JAKMIP2: variants seen among roughly 807,000 people sequenced by gnomAD.
JAKMIP2 encodes janus kinase and microtubule interacting protein 2, also known as janus kinase and microtubule-interacting protein 2.
JAKMIP2 carries 25 observed loss-of-function variants against 115.0 expected under a neutral mutation model. The ratio of observed to expected loss-of-function variants is 0.22; its 90% confidence interval spans 0.16 to 0.30. The LOEUF is 0.30. Ranked by LOEUF, JAKMIP2 falls within the 10% of genes least tolerant of loss-of-function variation. The pLI is 1.00. For missense variants in JAKMIP2, 642 were observed against 957.6 expected (o/e 0.67, Z 4.35); for synonymous variants, 334 against 343.6 (o/e 0.97, Z 0.31).
chr5:147,766,975 G>A (rs549519922), intron 1 of JAKMIP2, among the ~76,000 whole-genome samples: 1 of 152,242 alleles, frequency 6.6e-6, no homozygotes, highest in African/African-American at 2.4e-5. Flanking sequence ...ACCTCTCAAT[G>A]AGATCGGCCA....
chr5:147,686,654 G>C (rs1490582456), intron 1 of JAKMIP2, among the ~76,000 whole-genome samples: 1 of 152,048 alleles, frequency 6.6e-6, no homozygotes, highest in African/African-American at 2.4e-5. Flanking sequence ...CCTTAAACCC[G>C]CAAAATTTTA....
intron 12 of JAKMIP2, among the ~76,000 whole-genome samples, chr5:147,634,964 A>G (rs1757541755): frequency 6.6e-6 from 1 of 152,204 alleles, no homozygotes; most frequent in Non-Finnish European, 1.5e-5. Context: ...TGTTTCCCTT[A>G]CACAATTGGG....
intron 1 of JAKMIP2, among the ~76,000 whole-genome samples, chr5:147,761,412 A>T (rs1754924805): frequency 6.6e-6 from 1 of 152,110 alleles, no homozygotes. Flanking sequence ...AGTCTGGGGC[A>T]CAGAGAGGTT....
Position 147,587,210 on chromosome 5 carries a change from A to G in JAKMIP2, c.*4497T>C, listed in dbSNP as rs542596841. 6.6e-6 allele frequency: 1 copy of G among 152,316 alleles called. No individual in the cohort carries two copies. Among genetic ancestry groups the G allele is most frequent in the East Asian group, 1.9e-4 (1 of 5,182 alleles). 9.4% of individuals were successfully genotyped at this position (152,316 alleles called of 1,614,324 possible). A position where few individuals can be genotyped will look rare whatever the true frequency, so the allele number is the denominator to read the frequency against. On this transcript the variant is annotated 3_prime_UTR_variant, in exon 22 of 22. Transcript: ENST00000616793. ...ATTGGAAGCATAAACTCATGACATA[A>G]ACAGTCATCTAAGATTTGCTTTGAA...
chr5:147,733,243 C>T (rs922274042), intron 1 of JAKMIP2, among the ~76,000 whole-genome samples: 5 of 152,274 alleles, frequency 3.3e-5, no homozygotes, highest in Middle Eastern at 3.4e-3. Flanking sequence ...GAGAGCAACT[C>T]AGATACAAAA....
chr5:147,706,016 T>C (rs1752546550), intron 1 of JAKMIP2, among the ~76,000 whole-genome samples: 1 of 152,200 alleles, frequency 6.6e-6, no homozygotes, highest in Admixed American at 6.5e-5. Context: ...ATGTTATAGG[T>C]ATACTTGAAC....
intron 1 of JAKMIP2, among the ~76,000 whole-genome samples, chr5:147,682,291 T>C (rs1043840764): frequency 6.6e-6 from 1 of 152,274 alleles, no homozygotes; most frequent in Non-Finnish European, 1.5e-5. Flanking sequence ...CAGTGGCAGA[T>C]GGTAGAGGGT....
chr5:147,703,582 C>T (rs906135697), intron 1 of JAKMIP2, among the ~76,000 whole-genome samples: 21 of 147,988 alleles, frequency 1.4e-4, no homozygotes, highest in African/African-American at 4.2e-4. Context: ...TTAACCTTAG[C>T]GTACTGTAAC....
intron 1 of JAKMIP2, among the ~76,000 whole-genome samples, chr5:147,724,304 A>G (rs1249399080): frequency 2.0e-5 from 3 of 152,278 alleles, no homozygotes; most frequent in Admixed American, 2.0e-4. Flanking sequence ...CATTCCAAAC[A>G]TACATTTTCT....
intron 3 of JAKMIP2, among the ~76,000 whole-genome samples, chr5:147,653,318 T>G (rs1758503189): frequency 6.6e-6 from 1 of 152,168 alleles, no homozygotes; most frequent in Non-Finnish European, 1.5e-5. Flanking sequence ...CAATCTACAT[T>G]CCCACCAACA....
At chr5:147,679,189 C>A (rs1321523098) in intron 1 of JAKMIP2, among the ~76,000 whole-genome samples, 5 of 151,984 alleles carry the variant, frequency 3.3e-5, no homozygotes, top group African/African-American at 1.2e-4. Flanking sequence ...GTATGTTGTC[C>A]AGGCTGGTTT....
chr5:147,736,547 A>G (rs910176435), intron 1 of JAKMIP2, among the ~76,000 whole-genome samples: 5 of 152,152 alleles, frequency 3.3e-5, no homozygotes, highest in African/African-American at 1.2e-4. Flanking sequence ...TATCACTTAA[A>G]GAACATTATC....
chr5:147,651,786 C>T (rs1268643782), intron 3 of JAKMIP2, among the ~76,000 whole-genome samples: 2 of 152,136 alleles, frequency 1.3e-5, no homozygotes, highest in Non-Finnish European at 2.9e-5. Flanking sequence ...CATCTGATAA[C>T]TTGGTAAGAA....
chr5:147,619,716 A>C (rs1756758247), intron 18 of JAKMIP2, among the ~76,000 whole-genome samples: 1 of 152,090 alleles, frequency 6.6e-6, no homozygotes. Context: ...AATCAGCATA[A>C]TCTTCTGTGG....
intron 19 of JAKMIP2, among the ~76,000 whole-genome samples, chr5:147,616,777 T>C (rs1291930429): frequency 2.0e-5 from 3 of 152,326 alleles, no homozygotes; most frequent in South Asian, 4.1e-4. Context: ...TTATCATTTC[T>C]GGGACACGTG....
intron 1 of JAKMIP2, among the ~76,000 whole-genome samples, chr5:147,766,665 A>C (rs1021973545): frequency 1.3e-5 from 2 of 152,184 alleles, no homozygotes; most frequent in Non-Finnish European, 2.9e-5. Context: ...ACAGCAGTAC[A>C]TGCCCTGAGA....
intron 1 of JAKMIP2, among the ~76,000 whole-genome samples, chr5:147,734,905 A>G (rs1429488424): frequency 3.9e-5 from 6 of 152,156 alleles, no homozygotes; most frequent in Non-Finnish European, 8.8e-5. Context: ...CCTCTGTGTA[A>G]AGTGGACAGA....
In JAKMIP2 at chr5:147,661,255, C is replaced by T. The variant is rs772282484; in HGVS notation, c.320G>A (p.Arg107His). Reference protein sequence around the residue: ...EQEMSRTVKVRDGEIQRLKSA... With the variant: ...EQEMSRTVKVHDGEIQRLKSA... ...CTTGAGCCTCTGGATCTCTCCATCA[C>T]GTACCTTCACCGTCCTTGACATTTC... The change falls in exon 3 of 22, where the codon CGT (arginine) becomes CAT (histidine). Residue 107 changes from arginine (R) to histidine (H), a missense_variant. Arg to His is a conservative substitution (Grantham distance 29, BLOSUM62 0). This residue lies in a region of JAKMIP2 where 439 missense variants were observed against 570.9 expected (regional missense o/e 0.77). Coordinates refer to ENST00000616793, the MANE Select transcript of JAKMIP2 (RefSeq NM_001270941.2). 3.7e-6 allele frequency: 6 copies of T among 1,613,964 alleles called. No homozygotes were observed. The Admixed American group carries it at 8.3e-5, about 22-fold the overall frequency.
intron 1 of JAKMIP2, among the ~76,000 whole-genome samples, chr5:147,762,717 T>C (rs530259583): frequency 2.0e-5 from 3 of 152,306 alleles, no homozygotes; most frequent in African/African-American, 7.2e-5. Flanking sequence ...GGCTTCAACA[T>C]ATGAATTTGG....
Sources: allele counts gnomAD v4.1 joint callset (sites outside exome capture counted in the v4.1 genomes callset), GRCh38; gene constraint gnomAD v4.1.1; regional missense constraint gnomAD v4.1.1; transcripts MANE v1.5; gene names NCBI Gene and HGNC (gene_info 2026-07-23, HGNC 2026-07-21).